Variants in SNX29 observed in about 807,000 individuals in gnomAD.
SNX29 encodes the protein sorting nexin 29, also known as sorting nexin-29.
In SNX29, 78 loss-of-function variants were observed where a neutral mutation model predicts 102.1. The observed-to-expected ratio is 0.76, with a 90% CI of 0.64 to 0.92. The LOEUF (loss-of-function observed/expected upper bound fraction) is 0.92, where lower values mean the gene tolerates loss of function less well. Ranked by LOEUF, SNX29 falls within the 40% of genes least tolerant of loss-of-function variation. The probability of loss-of-function intolerance (pLI) is 0.00; values close to 1 mark genes in which losing one functional copy is unlikely to be tolerated. For missense variants in SNX29, 1,280 were observed against 1,061.7 expected (o/e 1.21, Z -2.86); for synonymous variants, 580 against 414.5 (o/e 1.40, Z -4.85).
intron 18 of SNX29, among the ~76,000 whole-genome samples, chr16:12,433,232 A>T (rs1207815591): frequency 6.6e-6 from 1 of 152,202 alleles, no homozygotes; most frequent in Non-Finnish European, 1.5e-5. Flanking sequence ...GAGAAAAGAA[A>T]TGTCTTGAGG....
chr16:11,999,504 A>G, intron 2 of SNX29, 146 bp downstream of exon 2: 1 of 840,612 alleles, frequency 1.2e-6, no homozygotes, highest in Non-Finnish European at 1.8e-6. Context: ...TTTCCCAGGA[A>G]ATGATAGAGC....
intron 9 of SNX29, among the ~76,000 whole-genome samples, chr16:12,065,995 C>G (rs909055530): frequency 6.6e-6 from 1 of 152,154 alleles, no homozygotes; most frequent in African/African-American, 2.4e-5. Context: ...GTGTGCACCC[C>G]AGAGCGTCAG....
intron 14 of SNX29, among the ~76,000 whole-genome samples, chr16:12,223,023 T>G (rs938001755): frequency 1.3e-5 from 2 of 152,212 alleles, no homozygotes; most frequent in Non-Finnish European, 2.9e-5. Context: ...GGTCTTTGGA[T>G]TCTAAATTTG....
chr16:12,004,318 G>A (rs2056385410), intron 3 of SNX29, among the ~76,000 whole-genome samples: 1 of 151,680 alleles, frequency 6.6e-6, no homozygotes, highest in Admixed American at 6.6e-5. Flanking sequence ...TCTAGCCTGG[G>A]CGACAGAGCA....
At chr16:12,382,713 G>A (rs939556159) in intron 16 of SNX29, among the ~76,000 whole-genome samples, 2 of 152,196 alleles carry the variant, frequency 1.3e-5, no homozygotes, top group Non-Finnish European at 2.9e-5. Context: ...TGGCAGGGCT[G>A]TGTTCCCCCT....
chr16:12,542,128 T>C (rs2077370249), intron 20 of SNX29, among the ~76,000 whole-genome samples: 1 of 152,132 alleles, frequency 6.6e-6, no homozygotes, highest in African/African-American at 2.4e-5. Flanking sequence ...GAGCCAGCAT[T>C]TCCAATTCAG....
chr16:12,260,993 GTGTT>G (rs1220930635), intron 14 of SNX29, among the ~76,000 whole-genome samples: 18 of 151,016 alleles, frequency 1.2e-4, no homozygotes, highest in African/African-American at 4.2e-4. Flanking sequence ...GCTGGAGTGA[GTGTT>G]TGTTGAGCTC....
chr16:12,564,824 C>G (rs1388665519), intron 20 of SNX29, among the ~76,000 whole-genome samples: 2 of 144,436 alleles, frequency 1.4e-5, no homozygotes, highest in Non-Finnish European at 3.0e-5. Flanking sequence ...CTCGGTGGTA[C>G]ACAACGCTGA....
At chr16:12,346,719 T>C (rs1236720573) in intron 15 of SNX29, among the ~76,000 whole-genome samples, 1 of 152,190 alleles carries the variant, frequency 6.6e-6, no homozygotes, top group Non-Finnish European at 1.5e-5. Context: ...TCCCCTGTCA[T>C]TGCTCACCAA....
At chr16:12,287,382 T>A (rs1348211630) in intron 15 of SNX29, among the ~76,000 whole-genome samples, 6 of 152,306 alleles carry the variant, frequency 3.9e-5, no homozygotes, top group African/African-American at 9.6e-5. Flanking sequence ...CTGTTTTTTT[T>A]AAATTTTTTT....
chr16:12,542,045 T>G (rs2077366103), intron 20 of SNX29, among the ~76,000 whole-genome samples: 1 of 152,150 alleles, frequency 6.6e-6, no homozygotes, highest in African/African-American at 2.4e-5. Flanking sequence ...TTAATTAGTT[T>G]GGCAAAGATA....
At chr16:12,061,218 A>C (rs1385848114) in intron 8 of SNX29, among the ~76,000 whole-genome samples, 1 of 152,138 alleles carries the variant, frequency 6.6e-6, no homozygotes, top group Non-Finnish European at 1.5e-5. Flanking sequence ...TATTTGGTTC[A>C]TGTTCATGCC....
intron 20 of SNX29, among the ~76,000 whole-genome samples, chr16:12,530,132 C>G (rs1026543399): frequency 6.6e-6 from 1 of 152,232 alleles, no homozygotes; most frequent in African/African-American, 2.4e-5. Flanking sequence ...CCACTTGGCC[C>G]TCTAAGGCAG....
At chr16:12,195,613 A>G (rs2141936470) in intron 13 of SNX29, among the ~76,000 whole-genome samples, 1 of 152,360 alleles carries the variant, frequency 6.6e-6, no homozygotes, top group South Asian at 2.1e-4. Context: ...TAACCGCCCA[A>G]GAGATTCTGC....
At position 12,199,765 on chromosome 16, in the gene SNX29, T is replaced by A. The variant is rs1255878780; in HGVS notation, c.1678+82T>A. ...TACGTGGCACGCAATAGACACTCAA[T>A]GTGTGACGAGTGCATATGTGGATGG... On this transcript the variant is annotated intron_variant, in intron 14 of 20. Transcript: ENST00000566228. 7.8e-6 allele frequency: 9 copies of A among 1,153,378 alleles called. No individual in the cohort carries two copies. In the Admixed American group the frequency reaches 1.6e-4, roughly 21 times the overall value. 71.4% of individuals were successfully genotyped at this position (1,153,378 alleles called of 1,614,324 possible).
intron 19 of SNX29, among the ~76,000 whole-genome samples, chr16:12,521,124 G>C (rs1184949322): frequency 2.0e-5 from 3 of 152,160 alleles, no homozygotes; most frequent in Non-Finnish European, 4.4e-5. Context: ...AGGTTGCAGT[G>C]AGCTGAGATC....
chr16:12,239,900 C>A (rs574922739), intron 14 of SNX29, among the ~76,000 whole-genome samples: 1 of 152,068 alleles, frequency 6.6e-6, no homozygotes, highest in South Asian at 2.1e-4. Context: ...AAAGAAAAAT[C>A]ACTTGTAATC....
chr16:12,185,001 G>A (rs2076476926), intron 13 of SNX29, among the ~76,000 whole-genome samples: 1 of 152,218 alleles, frequency 6.6e-6, no homozygotes, highest in Non-Finnish European at 1.5e-5. Flanking sequence ...CAGTTCTGCT[G>A]TGGATGCTGA....
chr16:12,166,122 G>A (rs1488507977), intron 13 of SNX29, among the ~76,000 whole-genome samples: 2 of 152,206 alleles, frequency 1.3e-5, no homozygotes, highest in Admixed American at 1.3e-4. Context: ...AGTAGCAGCA[G>A]TCTTGGTTAA....
Sources: gnomAD v4.1 joint callset for allele counts (sites outside exome capture counted in the v4.1 genomes callset) on GRCh38, gnomAD v4.1.1 for gene constraint, MANE v1.5 for transcripts, NCBI Gene and HGNC (gene_info 2026-07-23, HGNC 2026-07-21) for gene names.